The following AFDN variants were observed in gnomAD, a reference collection of about 807,000 sequenced individuals.
The protein encoded by AFDN is afadin, adherens junction formation factor, also known as afadin.
AFDN carries 68 observed loss-of-function variants against 216.6 expected under a neutral mutation model. The observed-to-expected ratio is 0.31, with a 90% CI of 0.26 to 0.38. The LOEUF (loss-of-function observed/expected upper bound fraction) is 0.38, where lower values mean the gene tolerates loss of function less well. AFDN is among the 10% of genes least tolerant of loss of function. The pLI, the probability that AFDN is intolerant of heterozygous loss-of-function variation, is 1.00. For synonymous variants in AFDN, 868 were observed against 853.7 expected (o/e 1.02, Z -0.29); for missense variants, 2,136 against 2,342.0 (o/e 0.91, Z 1.82).
At position 167,966,017 on chromosome 6, in the gene AFDN, G is replaced by A; in HGVS notation, c.5229G>A (p.Glu1743=). 1 of 1,547,542 alleles carries A rather than the reference G, an allele frequency of 6.5e-7. No homozygotes were observed. The highest frequency in any genetic ancestry group is 8.7e-7 in the Non-Finnish European group (1 of 1,146,114). Residue 1743 remains glutamate, a synonymous_variant, in exon 32 of 34, where the codon GAG becomes GAA. Transcript: ENST00000683244. ...CCAAGTTTGTTGCATACAATGAGGA[G>A]GAGGAGGAGGAGGACTGCAGCCTAG... ...FTAKFVAYNE[E]EEEEDCSLAG...
intron 6 of AFDN, among the ~76,000 whole-genome samples, chr6:167,887,939 A>G (rs1379325065): frequency 4.6e-5 from 7 of 152,216 alleles, no homozygotes; most frequent in African/African-American, 9.6e-5. Flanking sequence ...GAGCTTTTCT[A>G]TTAGAATGAA....
At chr6:167,927,791 A>G (rs1398304462) in intron 23 of AFDN, among the ~76,000 whole-genome samples, 1 of 152,156 alleles carries the variant, frequency 6.6e-6, no homozygotes, top group African/African-American at 2.4e-5. Context: ...CCATGTTTCC[A>G]GGCTGTTGCA....
chr6:167,963,900 C>T, intron 31 of AFDN: 2 of 1,064,508 alleles, frequency 1.9e-6, no homozygotes. Flanking sequence ...TCCCTGGCTG[C>T]TTGGAGGGCT....
At chr6:167,966,305 G>A in intron 32 of AFDN, 2 of 1,445,706 alleles carry the variant, frequency 1.4e-6, no homozygotes, top group Non-Finnish European at 1.8e-6. Context: ...AGCTCTCTTT[G>A]TCTTAATGAT....
intron 23 of AFDN, among the ~76,000 whole-genome samples, chr6:167,935,773 G>A (rs1404541681): frequency 1.3e-5 from 2 of 151,432 alleles, no homozygotes; most frequent in African/African-American, 4.9e-5. Context: ...TGGCTCTTTT[G>A]CTTTTCTTTT....
chr6:167,966,221 C>T (rs555358006), intron 32 of AFDN, 176 bp downstream of exon 32: 5 of 1,532,670 alleles, frequency 3.3e-6, no homozygotes, highest in Non-Finnish European at 4.4e-6. Context: ...AAGGCCAGCC[C>T]CTGCCCCCTC....
chr6:167,842,350 A>G lies in AFDN; in HGVS notation c.105+15113A>G, dbSNP rs142391264. Among the ~76,000 whole-genome samples, 1,302 of 151,846 alleles carry G rather than the reference A, an allele frequency of 8.6e-3. 28 individuals carry two copies. The highest frequency in any genetic ancestry group is 0.03 in the African/African-American group (1,238 of 41,374). On this transcript the variant is annotated intron_variant, in intron 1 of 33. Transcript: ENST00000683244. ...TTGCTCATGTCTCAGGACAGTGTGTATTGTAATGCTGGATTCTTGATGTTC... is the reference window on the plus strand; with the variant it reads ...TTGCTCATGTCTCAGGACAGTGTGTGTTGTAATGCTGGATTCTTGATGTTC...
In AFDN at chr6:167,915,178, G is replaced by C; in HGVS notation, c.2310G>C (p.Leu770=). ...SLQRPKIDDV[L]HTLTGAMSLL... The stretch of plus-strand genomic sequence containing the variant: ...ACCCTGTCTGGGCAGATGATGTGCT[G>C]CACACGCTCACAGGAGCCATGTCCT... Residue 770 remains leucine (L), a synonymous_variant, in exon 19 of 34, where the codon CTG becomes CTC. Coordinates refer to ENST00000683244, the MANE Select transcript of AFDN (RefSeq NM_001386888.1). The C allele has an allele frequency of 6.2e-7, 1 of 1,614,010 alleles. No individual in the cohort carries two copies. The highest frequency in any genetic ancestry group is 8.5e-7 in the Non-Finnish European group (1 of 1,180,016).
chr6:167,859,024 C>T (rs1405395260), intron 1 of AFDN, among the ~76,000 whole-genome samples: 1 of 149,368 alleles, frequency 6.7e-6, no homozygotes, highest in Admixed American at 6.7e-5. Flanking sequence ...GGAATGAATA[C>T]AGTGGAAAGA....
At chr6:167,899,974 T>C (rs1034227752) in intron 11 of AFDN, among the ~76,000 whole-genome samples, 1 of 152,206 alleles carries the variant, frequency 6.6e-6, no homozygotes, top group African/African-American at 2.4e-5. Context: ...GACAATCTCC[T>C]ACTGTATTTT....
Position 167,944,033 on chromosome 6 carries a change from A to G in AFDN, c.3332A>G (p.Asn1111Ser). ...AIYHGLATLL[N>S]QPSPMMQRIS... ...TACCACGGTCTGGCCACCCTTCTCA[A>G]TCAGCCATCCCCCATGATGCAGAGA... The change falls in exon 26 of 34, where the codon AAT becomes AGT. Residue 1111 changes from asparagine to serine, a missense_variant. By Grantham distance (46) the Asn-to-Ser change is conservative (BLOSUM62 1). This residue lies in a region of AFDN where 74 missense variants were observed against 98.8 expected (regional missense o/e 0.75). Coordinates refer to ENST00000683244, the MANE Select transcript of AFDN (RefSeq NM_001386888.1). The G allele has an allele frequency of 6.2e-7, 1 of 1,614,040 alleles. No homozygotes were observed. The highest frequency in any genetic ancestry group is 8.5e-7 in the Non-Finnish European group (1 of 1,179,896).
intron 30 of AFDN, among the ~76,000 whole-genome samples, chr6:167,960,837 C>T (rs1182367553): frequency 6.6e-6 from 1 of 152,134 alleles, no homozygotes; most frequent in Non-Finnish European, 1.5e-5. Context: ...CTGCTATAAG[C>T]CCCCTAAAAG....
chr6:167,945,562 T>A (rs892779283), intron 26 of AFDN, among the ~76,000 whole-genome samples: 2 of 152,216 alleles, frequency 1.3e-5, no homozygotes, highest in Admixed American at 6.5e-5. Flanking sequence ...AGCAGTGCAG[T>A]CTGGCACGAC....
intron 11 of AFDN, among the ~76,000 whole-genome samples, chr6:167,902,023 G>T (rs1789029259): frequency 6.6e-6 from 1 of 150,608 alleles, no homozygotes. Flanking sequence ...AACTGAGGAG[G>T]CAGAGGTTGC....
intron 1 of AFDN, among the ~76,000 whole-genome samples, chr6:167,838,259 C>G (rs1421496893): frequency 2.6e-5 from 4 of 152,162 alleles, no homozygotes; most frequent in Non-Finnish European, 5.9e-5. Flanking sequence ...GTTCAGATGC[C>G]TTTTTGACAG....
chr6:167,870,533 C>T, intron 3 of AFDN, 35 bp downstream of exon 3: 1 of 1,341,860 alleles, frequency 7.5e-7, no homozygotes, highest in East Asian at 2.3e-5. Context: ...CGGTCTTGGT[C>T]CAGGGCCAGG....
Position 167,964,775 on chromosome 6 carries a change from T to G in AFDN, c.4969-982T>G, listed in dbSNP as rs993980923. On this transcript the variant is annotated intron_variant, in intron 31 of 33. Coordinates refer to ENST00000683244, the MANE Select transcript of AFDN (RefSeq NM_001386888.1). The stretch of plus-strand genomic sequence containing the variant: ...ATTAGTTTTCTTTGGTTGAACAAAT[T>G]TACAATTCATTGTACTTCATTTCAC... The G allele has an allele frequency of 1.8e-5, 19 of 1,065,972 alleles. No homozygotes were observed. The African/African-American group carries it at 3.1e-4, about 17-fold the overall frequency. The allele number at this position is 1,065,972 out of a possible 1,614,324, so 66.0% of individuals were successfully genotyped here.
chr6:167,888,834 ATTGT>A (rs967013763), intron 6 of AFDN, among the ~76,000 whole-genome samples: 14 of 152,318 alleles, frequency 9.2e-5, no homozygotes, highest in African/African-American at 3.4e-4. Flanking sequence ...TATAAAAACA[ATTGT>A]TTGAATGTGA....
At chr6:167,851,582 A>C (rs1782315418) in intron 1 of AFDN, among the ~76,000 whole-genome samples, 1 of 152,214 alleles carries the variant, frequency 6.6e-6, no homozygotes, top group African/African-American at 2.4e-5. Flanking sequence ...TCCTTTATAT[A>C]GTGTGAATCA....
Sources: gnomAD v4.1 joint callset for allele counts (sites outside exome capture counted in the v4.1 genomes callset) on GRCh38, gnomAD v4.1.1 for gene constraint, gnomAD v4.1.1 regional missense constraint, MANE v1.5 for transcripts, NCBI Gene and HGNC (gene_info 2026-07-23, HGNC 2026-07-21) for gene names.